Variants in RBBP8 observed in about 807,000 individuals in gnomAD.
The protein encoded by RBBP8 is RB binding protein 8, endonuclease.
In RBBP8, 88 loss-of-function variants were observed where a neutral mutation model predicts 108.3. The observed-to-expected ratio is 0.81, with a 90% CI of 0.68 to 0.97. The LOEUF is 0.97. RBBP8 is among the 50% of genes least tolerant of loss of function. The pLI is 0.00. For synonymous variants in RBBP8, 332 were observed against 348.2 expected, an observed-to-expected ratio of 0.95 and a Z score of 0.52; for missense variants, 1,023 against 1,049.0, an observed-to-expected ratio of 0.98 and a Z score of 0.34.
intron 2 of RBBP8, among the ~76,000 whole-genome samples, chr18:22,939,898 C>G (rs1400907386): frequency 6.6e-6 from 1 of 151,952 alleles, no homozygotes; most frequent in South Asian, 2.1e-4. Context: ...GTCTAATTAG[C>G]CAGGCAAGGA....
intron 14 of RBBP8, among the ~76,000 whole-genome samples, chr18:23,000,099 G>T (rs941859831): frequency 6.6e-6 from 1 of 152,138 alleles, no homozygotes; most frequent in African/African-American, 2.4e-5. Context: ...CTTATGGAAC[G>T]TACATTCTAA....
At chr18:22,958,940 G>A (rs1348430278) in intron 4 of RBBP8, among the ~76,000 whole-genome samples, 3 of 152,136 alleles carry the variant, frequency 2.0e-5, no homozygotes, top group Non-Finnish European at 2.9e-5. Flanking sequence ...TGTCATTCTG[G>A]ATTTCTCTTC....
chr18:22,925,355 C>T (rs1305197274), intron 3 of RBBP8, among the ~76,000 whole-genome samples: 5 of 152,130 alleles, frequency 3.3e-5, no homozygotes, highest in Admixed American at 1.3e-4. Context: ...GAACGTTGAA[C>T]ATAAAACATT....
upstream of RBBP8, among the ~76,000 whole-genome samples, chr18:22,933,113 A>C (rs1910142718): frequency 6.6e-6 from 1 of 152,266 alleles, no homozygotes; most frequent in Non-Finnish European, 1.5e-5. Context: ...CTCCCCCAAC[A>C]GAACGGCTTG....
At chr18:22,923,523 A>G (rs1339866161) in intron 3 of RBBP8, among the ~76,000 whole-genome samples, 1 of 152,208 alleles carries the variant, frequency 6.6e-6, no homozygotes, top group African/African-American at 2.4e-5. Context: ...TCATTCTTAC[A>G]ACAACCCCTT....
chr18:23,011,691 G>T (rs938124895), intron 16 of RBBP8, among the ~76,000 whole-genome samples: 1 of 152,006 alleles, frequency 6.6e-6, no homozygotes, highest in Admixed American at 6.6e-5. Flanking sequence ...CGCCTGCCTA[G>T]GTCTCCCAAA....
rs1180639112 is a variant in RBBP8 at position 22,957,186 on chromosome 18, GACTT to G, written c.248+7474_248+7477del. 5.9e-5 allele frequency among the ~76,000 whole-genome samples: 9 copies of G among 151,834 alleles called. No individual in the cohort carries two copies. The South Asian group carries it at 1.9e-3, about 32-fold the overall frequency. The stretch of plus-strand genomic sequence containing the variant: ...AATTTAAACATCATATTATTCAGGA[GACTT>G]TCTCTAACTTGCTAGACTAGGTTAA... On this transcript the variant is annotated intron_variant, in intron 4 of 18. Coordinates refer to ENST00000327155, the MANE Select transcript of RBBP8 (RefSeq NM_002894.3).
intron 7 of RBBP8, 110 bp downstream of exon 7, chr18:22,982,503 C>G: frequency 4.5e-6 from 7 of 1,568,802 alleles, no homozygotes; most frequent in Non-Finnish European, 6.0e-6. Context: ...ATTCTGGTAT[C>G]CCATGGTACA....
rs541553873 is a variant in RBBP8, at chr18:22,946,424, C to CT, written c.110-16dup. 3.6e-4 allele frequency: 578 copies of CT among 1,611,248 alleles called. No homozygotes were observed. The highest frequency in any genetic ancestry group is 4.7e-4 in the Non-Finnish European group (550 of 1,178,666). The stretch of plus-strand genomic sequence containing the variant: ...AAAGGAACTGTTGTAGAAGTAATAC[C>CT]TTTTCTTTTTACTTTTCAGGTTTAC... On this transcript the variant is annotated intron_variant, in intron 2 of 18. Coordinates refer to ENST00000327155, the MANE Select transcript of RBBP8 (RefSeq NM_002894.3).
chr18:22,990,045 C>A (rs892213091), intron 9 of RBBP8, among the ~76,000 whole-genome samples: 8 of 151,964 alleles, frequency 5.3e-5, no homozygotes, highest in African/African-American at 1.9e-4. Context: ...ATTTTTTTGT[C>A]CTTTCTAGTT....
intron 2 of RBBP8, among the ~76,000 whole-genome samples, chr18:22,945,670 C>T (rs942879747): frequency 2.6e-5 from 4 of 152,192 alleles, no homozygotes; most frequent in African/African-American, 9.7e-5. Flanking sequence ...AGGCATGAAT[C>T]ACCGTGCCCA....
intron 6 of RBBP8, among the ~76,000 whole-genome samples, chr18:22,981,782 A>G (rs749075130): frequency 6.6e-6 from 1 of 152,188 alleles, no homozygotes; most frequent in African/African-American, 2.4e-5. Context: ...AATCTTGCAC[A>G]ATACTGTTAG....
At chr18:22,946,310 G>C (rs901211299) in intron 2 of RBBP8, 134 bp from the exon 3 acceptor site, 2 of 1,190,822 alleles carry the variant, frequency 1.7e-6, no homozygotes, top group Non-Finnish European at 2.3e-6. Context: ...CAGAGTACAC[G>C]TAAGGGGCAT....
At chr18:22,982,535 T>G (rs1373874871) in intron 7 of RBBP8, 142 bp downstream of exon 7, 1 of 1,502,580 alleles carries the variant, frequency 6.7e-7, no homozygotes, top group Non-Finnish European at 9.0e-7. Flanking sequence ...AACTTCTATT[T>G]GTAAAGTGAC....
intron 4 of RBBP8, among the ~76,000 whole-genome samples, chr18:22,965,861 A>G (rs1913535292): frequency 6.6e-6 from 1 of 152,186 alleles, no homozygotes; most frequent in Non-Finnish European, 1.5e-5. Context: ...GATCGTGGAA[A>G]TTGTTCTAAA....
intron 4 of RBBP8, among the ~76,000 whole-genome samples, chr18:22,955,579 C>CTTT (rs746128314): frequency 5.0e-5 from 7 of 140,250 alleles, no homozygotes; most frequent in African/African-American, 1.6e-4. Context: ...AGGTTTATAT[C>CTTT]TTTTTTTTTT....
chr18:23,009,919 G>A (rs1260433910), intron 16 of RBBP8, among the ~76,000 whole-genome samples: 6 of 152,108 alleles, frequency 3.9e-5, no homozygotes, highest in Admixed American at 6.5e-5. Context: ...GCGCCACCAC[G>A]CGCAGCTAAT....
At chr18:22,914,197 G>C (rs1363869105) in exon 1 of RBBP8, 1 of 152,220 alleles carries the variant, frequency 6.6e-6, no homozygotes, top group Non-Finnish European at 1.5e-5. Context: ...GTGGTCCAGA[G>C]AGGTGGTGTT....
At chr18:23,014,325 GC>G (rs2046221269) in intron 16 of RBBP8, among the ~76,000 whole-genome samples, 1 of 152,142 alleles carries the variant, frequency 6.6e-6, no homozygotes. Flanking sequence ...AGTTTGTAAG[GC>G]TATCCCTGCC....
Sources: allele counts gnomAD v4.1 joint callset (sites outside exome capture counted in the v4.1 genomes callset), GRCh38; gene constraint gnomAD v4.1.1; transcripts MANE v1.5; gene names NCBI Gene and HGNC (gene_info 2026-07-23, HGNC 2026-07-21).